FMN2: variants seen among roughly 807,000 people sequenced by gnomAD.
FMN2 encodes formin 2.
Under a neutral mutation model 142.3 loss-of-function variants are expected in FMN2, and 51 were observed. The ratio of observed to expected loss-of-function variants is 0.36; its 90% CI spans 0.29 to 0.45. The LOEUF is 0.45. Ranked by LOEUF, FMN2 falls within the 20% of genes least tolerant of loss-of-function variation. The probability of loss-of-function intolerance (pLI) is 1.00; values close to 1 mark genes in which losing one functional copy is unlikely to be tolerated. For missense variants in FMN2, 1,936 were observed against 2,122.8 expected, an observed-to-expected ratio of 0.91 and a Z score of 1.73; for synonymous variants, 882 against 869.8, an observed-to-expected ratio of 1.01 and a Z score of -0.25.
Position 240,250,673 on chromosome 1 carries a change from C to A in FMN2, c.4066-7272C>A, listed in dbSNP as rs146993073. 2.0e-5 allele frequency among the ~76,000 whole-genome samples: 3 copies of A among 151,980 alleles called. No individual in the cohort carries two copies. The East Asian group carries it at 5.8e-4, about 29-fold the overall frequency. On this transcript the variant is annotated intron_variant, in intron 6 of 17. Transcript: ENST00000319653. ...GAAGAGTTTGAGGAAAATTAGTGTT[C>A]TTTGTACGTTTTGTAGAATTTGGCA... is the stretch of plus-strand genomic sequence containing the variant.
At chr1:240,398,730 C>T (rs1308238028) in intron 15 of FMN2, among the ~76,000 whole-genome samples, 1 of 152,140 alleles carries the variant, frequency 6.6e-6, no homozygotes, top group Non-Finnish European at 1.5e-5. Context: ...TCTTATCTTG[C>T]CTCTTACACA....
intron 15 of FMN2, among the ~76,000 whole-genome samples, chr1:240,420,169 C>G (rs1674715583): frequency 6.6e-6 from 1 of 152,172 alleles, no homozygotes; most frequent in Non-Finnish European, 1.5e-5. Context: ...GATGCTGATA[C>G]CCCTCTTCCT....
In FMN2 at chr1:240,191,551, A is replaced by G. The variant is rs117405998; in HGVS notation, c.1986+3289A>G. Reference sequence around the variant, plus strand: ...CTCTATCTGAAGAATTATGTCATAAAACTGAAATGCGACTGTCTTTTGATT... The same window carrying G: ...CTCTATCTGAAGAATTATGTCATAAGACTGAAATGCGACTGTCTTTTGATT... On this transcript the variant is annotated intron_variant, in intron 4 of 17. Transcript: ENST00000319653. 5.0e-4 allele frequency among the ~76,000 whole-genome samples: 76 copies of G among 152,358 alleles called. 2 individuals are homozygous for G. The East Asian group carries it at 0.011, about 22-fold the overall frequency.
intron 14 of FMN2, among the ~76,000 whole-genome samples, chr1:240,392,045 T>C (rs1330716296): frequency 3.9e-5 from 6 of 151,998 alleles, no homozygotes; most frequent in Admixed American, 3.9e-4. Context: ...TGTGGTCTGA[T>C]ATGAACTATT....
rs1661013660 is a variant in FMN2 at position 240,092,440 on chromosome 1, G to A, written c.331G>A (p.Ala111Thr). 6 of 1,610,666 alleles carry A rather than the reference G, an allele frequency of 3.7e-6. No homozygotes were observed. The highest frequency in any genetic ancestry group is 5.1e-6 in the Non-Finnish European group (6 of 1,178,662). Residue 111 changes from alanine (A) to threonine (T), a missense_variant, in exon 1 of 18, where the codon GCT (alanine) becomes ACT (threonine). Physicochemically the swap from Ala to Thr is moderately conservative, Grantham distance 58. Around this residue, in one of 8 missense-constraint regions of FMN2, gnomAD observed 751 missense variants for 791.8 expected, o/e 0.95. Transcript: ENST00000319653. ...CCTGCAGACCGGGGAGCTGGACAGC[G>A]CTCACTCCCTGCTCACCAAGACTCC... ...QALQTGELDS[A>T]HSLLTKTPDL... is the part of the protein sequence containing the mutation.
rs1039806312 is a variant in FMN2 at position 240,333,455 on chromosome 1, A to G, written c.4585-432A>G. 2.0e-5 allele frequency among the ~76,000 whole-genome samples: 3 copies of G among 152,196 alleles called. No individual in the cohort carries two copies. The South Asian group carries it at 6.2e-4, about 31-fold the overall frequency. On this transcript the variant is annotated intron_variant, in intron 11 of 17. Coordinates refer to ENST00000319653, the MANE Select transcript of FMN2 (RefSeq NM_020066.5). ...TATTTCCCTAATCTATATGCTAATG[A>G]GCCTCAATCAAACTTACTGTTGGAG...
chr1:240,107,232 A>G (rs1435643920), intron 1 of FMN2, among the ~76,000 whole-genome samples: 1 of 152,106 alleles, frequency 6.6e-6, no homozygotes, highest in African/African-American at 2.4e-5. Flanking sequence ...GAGATGTTAA[A>G]ATAGAGACTG....
chr1:240,272,380 T>G (rs1033351591), intron 7 of FMN2, among the ~76,000 whole-genome samples: 1 of 151,882 alleles, frequency 6.6e-6, no homozygotes, highest in African/African-American at 2.4e-5. Flanking sequence ...TGCAAAAAGA[T>G]TCCTTTGGCA....
At chr1:240,153,654 G>T (rs1347106523) in intron 2 of FMN2, among the ~76,000 whole-genome samples, 3 of 152,076 alleles carry the variant, frequency 2.0e-5, no homozygotes, top group Non-Finnish European at 4.4e-5. Context: ...GTGAGCCACT[G>T]CTCCCAGCCT....
At chr1:240,203,411 G>A (rs1666204582) in intron 4 of FMN2, among the ~76,000 whole-genome samples, 1 of 152,104 alleles carries the variant, frequency 6.6e-6, no homozygotes, top group East Asian at 1.9e-4. Context: ...AGTCAACCCA[G>A]TTGCCCATCA....
chr1:240,452,318 A>C (rs1676088535), intron 16 of FMN2, among the ~76,000 whole-genome samples: 1 of 152,236 alleles, frequency 6.6e-6, no homozygotes, highest in African/African-American at 2.4e-5. Context: ...GTTGACAGGC[A>C]AGAATCCCCA....
At chr1:240,194,825 G>A (rs1665852647) in intron 4 of FMN2, among the ~76,000 whole-genome samples, 2 of 152,230 alleles carry the variant, frequency 1.3e-5, no homozygotes, top group Non-Finnish European at 2.9e-5. Context: ...AGGGCTCAGA[G>A]GAGCCTGGCT....
At chr1:240,286,267 T>G (rs1669587176) in intron 7 of FMN2, among the ~76,000 whole-genome samples, 1 of 152,160 alleles carries the variant, frequency 6.6e-6, no homozygotes. Context: ...ATGGTCCCTG[T>G]GTATTCAGCA....
chr1:240,106,116 T>A (rs951950558), intron 1 of FMN2, among the ~76,000 whole-genome samples: 3 of 152,196 alleles, frequency 2.0e-5, no homozygotes, highest in African/African-American at 7.2e-5. Context: ...TAAACAACTC[T>A]ATAGTATTTT....
intron 7 of FMN2, among the ~76,000 whole-genome samples, chr1:240,276,389 T>C (rs1322641260): frequency 6.6e-6 from 1 of 152,098 alleles, no homozygotes; most frequent in Non-Finnish European, 1.5e-5. Flanking sequence ...AGAATGTGTG[T>C]TAGGATGTAA....
At chr1:240,223,317 C>A (rs2103427018) in intron 6 of FMN2, among the ~76,000 whole-genome samples, 1 of 152,296 alleles carries the variant, frequency 6.6e-6, no homozygotes, top group Non-Finnish European at 1.5e-5. Flanking sequence ...ACCAGCCTTG[C>A]ATCCCAGGGA....
intron 2 of FMN2, chr1:240,170,974 AT>A: frequency 1.3e-6 from 1 of 794,380 alleles, no homozygotes. Context: ...CTTTGAATGT[AT>A]TAGGAATGTC....
intron 15 of FMN2, among the ~76,000 whole-genome samples, chr1:240,428,369 A>G (rs79309812): frequency 0.035 from 4,920 of 139,464 alleles, 241 homozygotes; most frequent in African/African-American, 0.12. Flanking sequence ...GTAGCTGGGC[A>G]GGTGCACACC....
At chr1:240,314,539 G>A (rs1200988926) in intron 8 of FMN2, among the ~76,000 whole-genome samples, 1 of 152,112 alleles carries the variant, frequency 6.6e-6, no homozygotes, top group Non-Finnish European at 1.5e-5. Flanking sequence ...TGTTATTGTT[G>A]TCCTCCTCAA....
Sources: gnomAD v4.1 joint callset for allele counts (sites outside exome capture counted in the v4.1 genomes callset) on GRCh38, gnomAD v4.1.1 for gene constraint, gnomAD v4.1.1 regional missense constraint, MANE v1.5 for transcripts, NCBI Gene and HGNC (gene_info 2026-07-23, HGNC 2026-07-21) for gene names.